ARMCX4: variants seen among roughly 807,000 people sequenced by gnomAD.
ARMCX4 encodes the protein armadillo repeat containing X-linked 4, also known as armadillo repeat-containing X-linked protein 4.
A neutral mutation model predicts 34.7 loss-of-function variants in ARMCX4; 3 were observed. That is an observed-to-expected ratio of 0.09 (90% CI 0.04 to 0.22). The LOEUF is 0.22. Ranked by LOEUF, ARMCX4 falls within the 10% of genes least tolerant of loss-of-function variation. The pLI, the probability that ARMCX4 is intolerant of heterozygous loss-of-function variation, is 1.00. For missense variants in ARMCX4, 1,448 were observed against 1,720.8 expected (o/e 0.84, Z 2.81); for synonymous variants, 513 against 632.8 (o/e 0.81, Z 2.84).
chrX:101,432,672 A>T (rs1555992376), intron 2 of ARMCX4, among the ~76,000 whole-genome samples: 1 of 107,740 alleles, frequency 9.3e-6, no homozygotes, highest in African/African-American at 3.4e-5. Context: ...AAAAAACCCC[A>T]TGTATATACA....
At chrX:101,430,773 C>T (rs1929947157) in intron 2 of ARMCX4, among the ~76,000 whole-genome samples, 1 of 112,112 alleles carries the variant, frequency 8.9e-6, no homozygotes, top group African/African-American at 3.2e-5. Context: ...TGACTCTTTG[C>T]TAGACATTGT....
At chrX:101,422,629 A>G (rs782067543) in intron 2 of ARMCX4, among the ~76,000 whole-genome samples, 1 of 111,344 alleles carries the variant, frequency 9.0e-6, no homozygotes, top group Admixed American at 9.6e-5. Context: ...CTAAACTGTA[A>G]TTTCTAATCT....
At chrX:101,526,947 T>C (rs1295846227) in intron 11 of ARMCX4, among the ~76,000 whole-genome samples, 5 of 111,501 alleles carry the variant, frequency 4.5e-5, no homozygotes, top group Non-Finnish European at 9.4e-5. Flanking sequence ...AAGAAGGATA[T>C]CCAGGACTTG....
chrX:101,501,605 A>G (rs2147688435), intron 7 of ARMCX4, among the ~76,000 whole-genome samples: 1 of 112,516 alleles, frequency 8.9e-6, no homozygotes, highest in African/African-American at 3.2e-5. Flanking sequence ...AGGGAGCAGT[A>G]GCAGCAGTTC....
intron 2 of ARMCX4, among the ~76,000 whole-genome samples, chrX:101,430,472 G>T (rs1485968585): frequency 1.8e-5 from 2 of 112,401 alleles, no homozygotes; most frequent in East Asian, 5.6e-4. Flanking sequence ...TTTCTAGACC[G>T]CCACTCAGCT....
intron 11 of ARMCX4, among the ~76,000 whole-genome samples, chrX:101,516,320 A>T (rs147019564): frequency 4.7e-4 from 52 of 111,827 alleles, no homozygotes; most frequent in African/African-American, 1.7e-3. Context: ...ATTTCTAAAA[A>T]GTGGGCCCCT....
chrX:101,438,059 C>G (rs926554514), intron 2 of ARMCX4, among the ~76,000 whole-genome samples: 8 of 111,295 alleles, frequency 7.2e-5, no homozygotes, highest in South Asian at 3.7e-4. Context: ...TTTTACATTT[C>G]CTGAGGAGTG....
chrX:101,431,551 C>CT (rs369375192), intron 2 of ARMCX4, among the ~76,000 whole-genome samples: 6,801 of 107,148 alleles, frequency 0.063, 224 homozygotes, highest in South Asian at 0.27. Flanking sequence ...CACCACGTTT[C>CT]TTTTTTTTTT....
intron 4 of ARMCX4, among the ~76,000 whole-genome samples, chrX:101,476,319 G>A (rs1305963092): frequency 9.2e-6 from 1 of 108,789 alleles, no homozygotes. Context: ...AAATGAATAA[G>A]TGATAAGTCC....
At chrX:101,533,672 A>G (rs1468987716), downstream of ARMCX4, among the ~76,000 whole-genome samples, 3 of 112,219 alleles carry the variant, frequency 2.7e-5, no homozygotes, top group Non-Finnish European at 5.6e-5. Context: ...AACTCACTGA[A>G]GTAAGAATAG....
At chrX:101,430,865 T>C (rs1213949582) in intron 2 of ARMCX4, among the ~76,000 whole-genome samples, 2 of 111,956 alleles carry the variant, frequency 1.8e-5, no homozygotes, top group African/African-American at 3.2e-5. Flanking sequence ...CCTGTGTTAC[T>C]AGCAAGCAGC....
rs1569314956 is a variant in ARMCX4, at chrX:101,433,003, T to TATACATACAC, written n.165-11049_165-11048insATACATACAC. Among the ~76,000 whole-genome samples the TATACATACAC allele has an allele frequency of 7.1e-4, 65 of 91,955 alleles. 2 individuals are homozygous for TATACATACAC. Among genetic ancestry groups the TATACATACAC allele is most frequent in the Non-Finnish European group, 9.3e-4 (40 of 43,198 alleles). 79.9% of individuals were successfully genotyped at this position (91,955 alleles called of 115,157 possible). A position where few individuals can be genotyped will look rare whatever the true frequency, so the allele number is the denominator to read the frequency against. The stretch of plus-strand genomic sequence containing the variant: ...ATATACACACATGTATACATATATG[T>TATACATACAC]GTATATATACACATATGTATACATA... On this transcript the variant is annotated intron_variant and non_coding_transcript_variant, in intron 2 of 3. Coordinates refer to the ARMCX4 transcript ENST00000430461.
At position 101,495,127 on chromosome X, in the gene ARMCX4, A is replaced by G. The variant is rs1556011502; in HGVS notation, c.6538A>G (p.Lys2180Glu). ...GTTAACGGTGGGAAGTGGAGAAACT[A>G]AAGACCATGTTTTGGGAATGCTTTT... is the stretch of plus-strand genomic sequence containing the variant. ...RLLTVGSGET[K>E]DHVLGMLLNF... Residue 2180 changes from lysine (K) to glutamate (E), a missense_variant, in exon 6 of 6, where the codon AAA (lysine) becomes GAA (glutamate). By Grantham distance (56) the Lys-to-Glu change is moderately conservative (BLOSUM62 1). Transcript: ENST00000423738. 8.7e-7 allele frequency: 1 copy of G among 1,155,976 alleles called. No homozygotes were observed. The highest frequency in any genetic ancestry group is 3.2e-5 in the East Asian group (1 of 30,805).
chrX:101,419,036 T>C (rs1929070892), intron 2 of ARMCX4: 1 of 108,735 alleles, frequency 9.2e-6, no homozygotes, highest in Non-Finnish European at 1.9e-5. Flanking sequence ...CTTAAATTCC[T>C]TTTCCTTTTT....
At chrX:101,463,624 G>A (rs1932714818) in intron 4 of ARMCX4, among the ~76,000 whole-genome samples, 1 of 112,208 alleles carries the variant, frequency 8.9e-6, no homozygotes, top group Non-Finnish European at 1.9e-5. Flanking sequence ...GGTTATAGAA[G>A]TAAGAGACCC....
chrX:101,440,816 G>A (rs1053588795), intron 2 of ARMCX4, among the ~76,000 whole-genome samples: 10 of 111,690 alleles, frequency 9.0e-5, no homozygotes, highest in Admixed American at 2.8e-4. Context: ...TGCTAAGACC[G>A]TTGGAAAAGC....
At chrX:101,449,986 A>G (rs1931889600), downstream of ARMCX4, among the ~76,000 whole-genome samples, 2 of 112,027 alleles carry the variant, frequency 1.8e-5, no homozygotes, top group African/African-American at 6.5e-5. Context: ...GTGGTCTTGG[A>G]TAAGATCTGG....
chrX:101,507,150 G>A (rs1330364059), intron 8 of ARMCX4, among the ~76,000 whole-genome samples: 2 of 110,993 alleles, frequency 1.8e-5, no homozygotes, highest in African/African-American at 6.6e-5. Flanking sequence ...TCAATATTCA[G>A]TGTTTACATT....
chrX:101,513,068 C>G (rs1194903372), intron 11 of ARMCX4, among the ~76,000 whole-genome samples: 1 of 109,664 alleles, frequency 9.1e-6, no homozygotes, highest in Non-Finnish European at 1.9e-5. Context: ...ATTTCTATGT[C>G]TTGAGGCAGA....
Sources: allele counts gnomAD v4.1 joint callset (sites outside exome capture counted in the v4.1 genomes callset), GRCh38; gene constraint gnomAD v4.1.1; transcripts MANE v1.5; gene names NCBI Gene and HGNC (gene_info 2026-07-23, HGNC 2026-07-21).